The following DST variants were observed in gnomAD, a reference collection of about 807,000 sequenced individuals.
DST encodes dystonin.
In DST, 253 loss-of-function variants were observed where a neutral mutation model predicts 875.2. The ratio of observed to expected loss-of-function variants is 0.29; its 90% CI spans 0.26 to 0.32. The LOEUF is 0.32. Ranked by LOEUF, DST falls within the 10% of genes least tolerant of loss-of-function variation. DST has a pLI of 1.00. For missense variants in DST, 8,287 were observed against 9,111.6 expected (o/e 0.91, Z 3.68); for synonymous variants, 3,124 against 3,197.1 (o/e 0.98, Z 0.77).
In DST at chr6:56,833,797, A is replaced by T. The variant is rs549975074; in HGVS notation, c.625+17600T>A. 2.0e-5 allele frequency among the ~76,000 whole-genome samples: 3 copies of T among 152,330 alleles called. No individual in the cohort carries two copies. In the South Asian group the frequency reaches 6.2e-4, roughly 32 times the overall value. ...TATTTAAATAATAGCTATAATATGC[A>T]GTGGCTCAAAGGTGTCAAAAGGAGG... On this transcript the variant is annotated intron_variant, in intron 4 of 103. Coordinates refer to ENST00000680361, the MANE Select transcript of DST (RefSeq NM_001374736.1).
At chr6:56,792,263 A>G (rs1355623260) in intron 4 of DST, among the ~76,000 whole-genome samples, 2 of 152,188 alleles carry the variant, frequency 1.3e-5, no homozygotes, top group African/African-American at 2.4e-5. Flanking sequence ...GCCAGCTAAT[A>G]AACAAGAAAT....
rs781138348 is a variant in DST, at chr6:56,504,010, A to G, written c.19553T>C (p.Ile6518Thr). The stretch of plus-strand genomic sequence containing the variant: ...CCCCACACATACCTTTAGCTCTTCA[A>G]TCTGCTGCTTGACAGTTTCGAGATC... ...GTDLETVKQQ[I>T]EELKQFKSEA... Residue 6518 changes from isoleucine to threonine, a missense_variant, in exon 78 of 104, where the codon ATT becomes ACT. Ile to Thr is a moderately conservative substitution (Grantham distance 89, BLOSUM62 -1). Transcript: ENST00000680361. The G allele has an allele frequency of 8.1e-6, 13 of 1,607,910 alleles. No individual in the cohort carries two copies. Among genetic ancestry groups the G allele is most frequent in the African/African-American group, 2.7e-5 (2 of 74,642 alleles).
rs1470233953 is a variant in DST at position 56,916,778 on chromosome 6, T to TCTCTCACACACA, written c.217-16158_217-16157insTGTGTGTGAGAG. ...ATCTCTCTCTCTCTCTCTCTCTCTC[T>TCTCTCACACACA]CACACACACACACACACACACACAC... On this transcript the variant is annotated intron_variant, in intron 2 of 103. Transcript: ENST00000680361. Among the ~76,000 whole-genome samples, 341 of 91,314 alleles carry TCTCTCACACACA rather than the reference T, an allele frequency of 3.7e-3. 6 individuals are homozygous for TCTCTCACACACA. Among genetic ancestry groups the TCTCTCACACACA allele is most frequent in the African/African-American group, 0.015 (289 of 19,528 alleles). 59.9% of individuals were successfully genotyped at this position (91,314 alleles called of 152,430 possible). A position where few individuals can be genotyped will look rare whatever the true frequency, so the allele number is the denominator to read the frequency against.
At chr6:56,930,069 G>A (rs1809344946) in intron 2 of DST, among the ~76,000 whole-genome samples, 1 of 152,208 alleles carries the variant, frequency 6.6e-6, no homozygotes, top group Non-Finnish European at 1.5e-5. Flanking sequence ...CAGAACTAAT[G>A]GCACAAAGTG....
At chr6:56,654,245 G>A (rs971809805) in intron 10 of DST, among the ~76,000 whole-genome samples, 3 of 151,864 alleles carry the variant, frequency 2.0e-5, no homozygotes, top group Non-Finnish European at 4.4e-5. Flanking sequence ...GTTTCAAAAT[G>A]ACCCAATTAT....
At chr6:56,857,246 G>A (rs573932643) in intron 3 of DST, among the ~76,000 whole-genome samples, 255 of 152,166 alleles carry the variant, frequency 1.7e-3, no homozygotes, top group African/African-American at 5.9e-3. Context: ...GCAAACTCCT[G>A]GCCTCAAGCA....
intron 5 of DST, among the ~76,000 whole-genome samples, chr6:56,711,708 G>T (rs557720427): frequency 6.6e-6 from 1 of 152,262 alleles, no homozygotes; most frequent in South Asian, 2.1e-4. Flanking sequence ...TAACAAACGA[G>T]CGTCGGCTTG....
chr6:56,918,857 G>A (rs1802654826), intron 2 of DST, among the ~76,000 whole-genome samples: 1 of 152,132 alleles, frequency 6.6e-6, no homozygotes. Context: ...GCACACTCCT[G>A]CACTCCAGCC....
intron 34 of DST, among the ~76,000 whole-genome samples, chr6:56,625,966 A>G (rs1174662053): frequency 7.0e-6 from 1 of 143,030 alleles, no homozygotes; most frequent in Non-Finnish European, 1.5e-5. Flanking sequence ...AAAGAAGTTT[A>G]AAAAGTAAAA....
intron 5 of DST, among the ~76,000 whole-genome samples, chr6:56,722,775 G>GT (rs1220881238): frequency 6.6e-6 from 1 of 152,190 alleles, no homozygotes; most frequent in African/African-American, 2.4e-5. Flanking sequence ...GGCTATAAAG[G>GT]TAAGTAAATA....
chr6:56,498,966 C>T (rs371999473), intron 80 of DST, among the ~76,000 whole-genome samples: 4 of 152,118 alleles, frequency 2.6e-5, no homozygotes, highest in African/African-American at 7.2e-5. Flanking sequence ...AGGTTAATAA[C>T]GCTTAAATGC....
intron 9 of DST, among the ~76,000 whole-genome samples, chr6:56,672,655 A>C (rs1440130260): frequency 6.6e-6 from 1 of 152,176 alleles, no homozygotes. Context: ...AACTGCTTTA[A>C]GCCCATTCCC....
chr6:56,895,824 G>A (rs1454640011), intron 3 of DST, among the ~76,000 whole-genome samples: 2 of 6,490 alleles, frequency 3.1e-4, no homozygotes, highest in South Asian at 2.0e-3. Context: ...AGACCAGCCC[G>A]GCCAACACAG....
chr6:56,867,477 A>G (rs1378175145), intron 3 of DST, among the ~76,000 whole-genome samples: 2 of 152,216 alleles, frequency 1.3e-5, no homozygotes, highest in African/African-American at 4.8e-5. Context: ...GTTCCAAAAG[A>G]GTTTTTAAAA....
At chr6:56,932,295 C>A (rs899600240) in intron 2 of DST, among the ~76,000 whole-genome samples, 5 of 152,150 alleles carry the variant, frequency 3.3e-5, no homozygotes, top group Non-Finnish European at 2.9e-5. Flanking sequence ...TGCTTCCCGC[C>A]ATGATTCTGA....
At chr6:56,624,711 T>A in intron 35 of DST, 83 bp from the exon 36 acceptor site, 2 of 881,734 alleles carry the variant, frequency 2.3e-6, no homozygotes, top group Non-Finnish European at 3.7e-6. Context: ...ATAATTACAT[T>A]AACTAGGCCT....
At chr6:56,946,275 G>C (rs1819447359) in intron 2 of DST, among the ~76,000 whole-genome samples, 1 of 152,140 alleles carries the variant, frequency 6.6e-6, no homozygotes, top group African/African-American at 2.4e-5. Flanking sequence ...ATTAAAGACT[G>C]AAACAATCAA....
At chr6:56,500,900 TAAGA>T (rs2096095709) in intron 80 of DST, among the ~76,000 whole-genome samples, 176 bp downstream of exon 80, 1 of 152,184 alleles carries the variant, frequency 6.6e-6, no homozygotes, top group African/African-American at 2.4e-5. Context: ...CATAATCTTT[TAAGA>T]AAAACATTTT....
rs1765175393 is a variant in DST at position 56,851,401 on chromosome 6, T to G, written c.621A>C (p.Ile207=). Residue 207 remains isoleucine (I), a synonymous_variant, in exon 4 of 104, where the codon ATA becomes ATC. Coordinates refer to ENST00000680361, the MANE Select transcript of DST (RefSeq NM_001374736.1). ...LDPAERAVLR[I]ADERDKVQKK... ...CCCTTCCCCAGATGCTCTTACCTGC[T>G]ATCCGAAGCACTGCCCTCTCGGCAG... is the stretch of plus-strand genomic sequence containing the variant. 5 of 1,612,862 alleles carry G rather than the reference T, an allele frequency of 3.1e-6. No individual in the cohort carries two copies. Among genetic ancestry groups the G allele is most frequent in the Non-Finnish European group, 3.4e-6 (4 of 1,179,810 alleles).
Sources: gnomAD v4.1 joint callset for allele counts (sites outside exome capture counted in the v4.1 genomes callset) on GRCh38, gnomAD v4.1.1 for gene constraint, MANE v1.5 for transcripts, NCBI Gene and HGNC (gene_info 2026-07-23, HGNC 2026-07-21) for gene names.